Variants in TOMM20 observed in about 807,000 individuals in gnomAD.
TOMM20 encodes mitochondrial import receptor subunit TOM20 homolog.
TOMM20 carries 10 observed loss-of-function variants against 22.1 expected under a neutral mutation model. The observed-to-expected ratio is 0.45, with a 90% CI of 0.28 to 0.77. TOMM20 has a LOEUF of 0.77. TOMM20 is among the 30% of genes least tolerant of loss of function. The probability of loss-of-function intolerance (pLI) is 0.13; values close to 1 mark genes in which losing one functional copy is unlikely to be tolerated. For synonymous variants in TOMM20, 55 were observed against 61.4 expected, an observed-to-expected ratio of 0.90 and a Z score of 0.49; for missense variants, 121 against 172.2, an observed-to-expected ratio of 0.70 and a Z score of 1.66.
Position 235,126,076 on chromosome 1 carries a change from T to C in TOMM20, c.121+2519A>G, listed in dbSNP as rs370518185. ...TGGTCGATAGATTAGATTAGATAGA[T>C]AGATAGATAGATAAAGATAGATAGA... On this transcript the variant is annotated intron_variant, in intron 1 of 4. Coordinates refer to ENST00000366607, the MANE Select transcript of TOMM20 (RefSeq NM_014765.3). Among the ~76,000 whole-genome samples the C allele has an allele frequency of 1.4e-3, 210 of 148,658 alleles. 1 individual carries two copies. The highest frequency in any genetic ancestry group is 5.1e-3 in the African/African-American group (204 of 40,222).
At chr1:235,128,382 G>T (rs1661069674) in intron 1 of TOMM20, among the ~76,000 whole-genome samples, 1 of 152,212 alleles carries the variant, frequency 6.6e-6, no homozygotes, top group South Asian at 2.1e-4. Context: ...AGTGTCTGGG[G>T]AAAACAAAAC....
intron 3 of TOMM20, among the ~76,000 whole-genome samples, chr1:235,116,643 G>A (rs1660832536): frequency 6.6e-6 from 1 of 151,640 alleles, no homozygotes; most frequent in Non-Finnish European, 1.5e-5. Flanking sequence ...CCCGGGAGGT[G>A]GAAGTTGCAG....
At chr1:235,115,691 G>T (rs974063284) in intron 3 of TOMM20, among the ~76,000 whole-genome samples, 12 of 152,186 alleles carry the variant, frequency 7.9e-5, no homozygotes, top group Admixed American at 7.9e-4. Context: ...TCTCAAGTCT[G>T]TCACATTTCT....
At chr1:235,114,131 G>A (rs1026520685) in intron 3 of TOMM20, among the ~76,000 whole-genome samples, 9 of 152,242 alleles carry the variant, frequency 5.9e-5, no homozygotes, top group Admixed American at 1.3e-4. Context: ...ATGTAAGGGG[G>A]AAATCAATGT....
intron 1 of TOMM20, 135 bp from the exon 2 acceptor site, chr1:235,122,507 T>C: frequency 1.3e-6 from 1 of 767,828 alleles, no homozygotes; most frequent in Non-Finnish European, 2.1e-6. Context: ...CTCCCTGTGA[T>C]CTGTCAAGAG....
In TOMM20 at chr1:235,111,793, GTAAC is replaced by G; in HGVS notation, c.*267_*270del. On this transcript the variant is annotated 3_prime_UTR_variant, in exon 5 of 5. Coordinates refer to ENST00000366607, the MANE Select transcript of TOMM20 (RefSeq NM_014765.3). Reference sequence around the variant, plus strand: ...CATGTCATATGTACAGTTTAACTATGTAACTATGTTTCAGGAATAAACAAAATCC... The same window carrying G: ...CATGTCATATGTACAGTTTAACTATGTATGTTTCAGGAATAAACAAAATCC... 2.8e-6 allele frequency: 1 copy of G among 361,624 alleles called. No homozygotes were observed. The highest frequency in any genetic ancestry group is 2.2e-5 in the African/African-American group (1 of 45,988). The allele number at this position is 361,624 out of a possible 1,614,324, so 22.4% of individuals were successfully genotyped here.
intron 3 of TOMM20, chr1:235,119,431 G>C (rs1660892790): frequency 6.5e-6 from 1 of 154,292 alleles, no homozygotes. Context: ...AAGATTAGAT[G>C]AAGGAGTTGA....
At chr1:235,117,480 A>C (rs1660856215) in intron 3 of TOMM20, among the ~76,000 whole-genome samples, 1 of 151,988 alleles carries the variant, frequency 6.6e-6, no homozygotes. Context: ...AAAAACAAAA[A>C]AAAAAAAAAA....
At chr1:235,124,176 G>A (rs759792724) in intron 1 of TOMM20, among the ~76,000 whole-genome samples, 4 of 152,182 alleles carry the variant, frequency 2.6e-5, no homozygotes, top group Non-Finnish European at 2.9e-5. Flanking sequence ...GTGAAACCCC[G>A]TCTTTACTAA....
rs1558127242 is a variant in TOMM20, at chr1:235,111,432, A to C, written c.*632T>G. The C allele has an allele frequency of 6.6e-6, 1 of 152,594 alleles. No homozygotes were observed. The highest frequency in any genetic ancestry group is 1.5e-5 in the Non-Finnish European group (1 of 68,148). 9.5% of individuals were successfully genotyped at this position (152,594 alleles called of 1,614,324 possible). On this transcript the variant is annotated 3_prime_UTR_variant, in exon 5 of 5. Transcript: ENST00000366607. ...CTAATTCCTGGTGCTATTTGCAACT[A>C]CATATATTTAAAATACAAGGAGATA...
intron 3 of TOMM20, among the ~76,000 whole-genome samples, chr1:235,115,965 C>G (rs920892888): frequency 1.3e-5 from 2 of 152,146 alleles, no homozygotes; most frequent in Non-Finnish European, 2.9e-5. Flanking sequence ...AACTGTGGCT[C>G]GGGAAACCAG....
chr1:235,116,096 A>G (rs571034460), intron 3 of TOMM20, among the ~76,000 whole-genome samples: 2 of 152,272 alleles, frequency 1.3e-5, no homozygotes, highest in South Asian at 4.1e-4. Flanking sequence ...CTAACATGTT[A>G]GCATGCAAGT....
At chr1:235,120,882 A>AAC (rs1660920184) in intron 2 of TOMM20, among the ~76,000 whole-genome samples, 2 of 150,518 alleles carry the variant, frequency 1.3e-5, no homozygotes, top group Non-Finnish European at 1.5e-5. Context: ...AAAAAAAAAA[A>AAC]AAAGAGGCCA....
At chr1:235,120,922 C>T (rs1337039032) in intron 2 of TOMM20, among the ~76,000 whole-genome samples, 1 of 149,732 alleles carries the variant, frequency 6.7e-6, no homozygotes, top group Non-Finnish European at 1.5e-5. Flanking sequence ...ACTTCAGTAG[C>T]TGGGTGCGGT....
At chr1:235,125,140 A>C (rs1660989316) in intron 1 of TOMM20, among the ~76,000 whole-genome samples, 1 of 152,246 alleles carries the variant, frequency 6.6e-6, no homozygotes, top group Admixed American at 6.5e-5. Context: ...GGTGACAAAA[A>C]GTCTAAATAA....
chr1:235,123,416 C>CG (rs1356183317), intron 1 of TOMM20, among the ~76,000 whole-genome samples: 1 of 152,090 alleles, frequency 6.6e-6, no homozygotes, highest in Non-Finnish European at 1.5e-5. Flanking sequence ...ACCCGGGAGG[C>CG]GGAGGTTGCA....
chr1:235,120,342 A>G (rs1660909433), intron 2 of TOMM20, among the ~76,000 whole-genome samples: 1 of 152,042 alleles, frequency 6.6e-6, no homozygotes, highest in South Asian at 2.1e-4. Context: ...GCACAATCCC[A>G]GCTCACTGCA....
At chr1:235,113,619 G>A in intron 4 of TOMM20, 149 bp downstream of exon 4, 1 of 1,042,920 alleles carries the variant, frequency 9.6e-7, no homozygotes, top group Non-Finnish European at 1.3e-6. Flanking sequence ...CACCAGAGAG[G>A]AAAATGTCAA....
intron 3 of TOMM20, 99 bp from the exon 4 acceptor site, chr1:235,114,009 C>T (rs1460896425): frequency 3.0e-6 from 4 of 1,325,580 alleles, no homozygotes; most frequent in Admixed American, 2.6e-5. Flanking sequence ...ACCAAAAACA[C>T]TAAGCAAGTA....
Sources: gnomAD v4.1 joint callset for allele counts (sites outside exome capture counted in the v4.1 genomes callset) on GRCh38, gnomAD v4.1.1 for gene constraint, MANE v1.5 for transcripts, NCBI Gene and HGNC (gene_info 2026-07-23, HGNC 2026-07-21) for gene names.